Variants in ADGRG6 observed in about 807,000 individuals in gnomAD.
ADGRG6 encodes the protein adhesion G protein-coupled receptor G6.
ADGRG6 carries 84 observed loss-of-function variants against 142.4 expected under a neutral mutation model. That is an observed-to-expected ratio of 0.59 (90% CI 0.49 to 0.71). The LOEUF (loss-of-function observed/expected upper bound fraction) is 0.71, where lower values mean the gene tolerates loss of function less well. Ranked by LOEUF, ADGRG6 falls within the 30% of genes least tolerant of loss-of-function variation. The pLI, the probability that ADGRG6 is intolerant of heterozygous loss-of-function variation, is 0.00. For missense variants in ADGRG6, 1,367 were observed against 1,466.6 expected, an observed-to-expected ratio of 0.93 and a Z score of 1.11; for synonymous variants, 521 against 520.5, an observed-to-expected ratio of 1.00 and a Z score of -0.01.
At chr6:142,440,511 G>A (rs910918121) in intron 24 of ADGRG6, among the ~76,000 whole-genome samples, 1 of 152,104 alleles carries the variant, frequency 6.6e-6, no homozygotes, top group African/African-American at 2.4e-5. Context: ...ACCCAGGCTA[G>A]TCTCAAACTC....
intron 2 of ADGRG6, among the ~76,000 whole-genome samples, chr6:142,317,784 A>C (rs1291980049): frequency 1.1e-5 from 1 of 95,196 alleles, no homozygotes; most frequent in Non-Finnish European, 1.9e-5. Context: ...ATATATATTT[A>C]TATATAATAT....
chr6:142,345,271 T>G (rs544222197), intron 2 of ADGRG6, among the ~76,000 whole-genome samples: 30 of 152,208 alleles, frequency 2.0e-4, no homozygotes, highest in Non-Finnish European at 3.5e-4. Context: ...AATTAGGAAA[T>G]AGCCTAGGGG....
intron 2 of ADGRG6, among the ~76,000 whole-genome samples, chr6:142,338,002 ATGCCTTGTATCTT>A (rs1322567589): frequency 1.3e-4 from 10 of 79,324 alleles, no homozygotes; most frequent in Admixed American, 2.4e-4. Flanking sequence ...AATCCTTTTT[ATGCCTTGTATCTT>A]TGTTTTTTTT....
In ADGRG6 at chr6:142,399,239, TCA is replaced by T. The variant is rs1368429083; in HGVS notation, c.1568-1243_1568-1242del. ...AGGGCGATTGCGACCAAGGCCATAA[TCA>T]CAGTCTAGTAAAGAGGCAGGCATCT... is the stretch of plus-strand genomic sequence containing the variant. On this transcript the variant is annotated intron_variant, in intron 10 of 24. Transcript: ENST00000367609. Among the ~76,000 whole-genome samples the T allele has an allele frequency of 9.9e-5, 15 of 152,132 alleles. 1 individual carries two copies. The East Asian group carries it at 2.9e-3, about 29-fold the overall frequency.
intron 2 of ADGRG6, among the ~76,000 whole-genome samples, chr6:142,351,703 G>A (rs531250226): frequency 2.0e-5 from 3 of 152,178 alleles, no homozygotes; most frequent in East Asian, 3.9e-4. Context: ...TTCACAAATG[G>A]GACCTGATTA....
chr6:142,328,959 T>C (rs1343753924), intron 2 of ADGRG6, among the ~76,000 whole-genome samples: 1 of 152,166 alleles, frequency 6.6e-6, no homozygotes, highest in Non-Finnish European at 1.5e-5. Context: ...CATCCCCACA[T>C]TGGCTCCCTG....
chr6:142,356,578 A>G (rs569800603), intron 2 of ADGRG6, among the ~76,000 whole-genome samples: 4 of 152,304 alleles, frequency 2.6e-5, no homozygotes, highest in African/African-American at 9.6e-5. Flanking sequence ...GAAGCATCAT[A>G]TGTCTTCATA....
chr6:142,340,032 C>T (rs1779537635), intron 2 of ADGRG6, among the ~76,000 whole-genome samples: 1 of 152,082 alleles, frequency 6.6e-6, no homozygotes, highest in Admixed American at 6.6e-5. Flanking sequence ...TAAGCTACCC[C>T]ATTTAATAAA....
chr6:142,438,327 C>T lies in ADGRG6; in HGVS notation c.3537C>T (p.Ser1179=). Reference sequence around the variant, plus strand: ...CCTATCTTACATCCAAATCTAAATCCAGCTCTACCACCTATTTCAAAAGGA... The same window carrying T: ...CCTATCTTACATCCAAATCTAAATCTAGCTCTACCACCTATTTCAAAAGGA... ...NSTYLTSKSK[S]SSTTYFKRNS... The change falls in exon 24 of 25, where the codon TCC becomes TCT. Residue 1179 remains serine (S), a synonymous_variant. Coordinates refer to ENST00000367609, the MANE Select transcript of ADGRG6 (RefSeq NM_198569.3). 6.2e-7 allele frequency: 1 copy of T among 1,609,830 alleles called. No homozygotes were observed. The highest frequency in any genetic ancestry group is 1.3e-5 in the African/African-American group (1 of 74,848).
chr6:142,439,533 A>T (rs908282760), intron 24 of ADGRG6, among the ~76,000 whole-genome samples: 1 of 152,208 alleles, frequency 6.6e-6, no homozygotes, highest in East Asian at 1.9e-4. Context: ...ACCGTTTTCT[A>T]TGTCTTGCCA....
At chr6:142,309,932 A>G (rs987328566) in intron 2 of ADGRG6, among the ~76,000 whole-genome samples, 1 of 151,872 alleles carries the variant, frequency 6.6e-6, no homozygotes, top group South Asian at 2.1e-4. Flanking sequence ...TGAGATAACT[A>G]CATAAATCGC....
chr6:142,403,593 T>C (rs1398636658), intron 13 of ADGRG6, among the ~76,000 whole-genome samples: 1 of 152,192 alleles, frequency 6.6e-6, no homozygotes, highest in African/African-American at 2.4e-5. Context: ...AAAGCAGATA[T>C]TTCTCTTGAG....
chr6:142,410,320 G>T (rs537307613), intron 17 of ADGRG6, among the ~76,000 whole-genome samples: 2 of 152,196 alleles, frequency 1.3e-5, no homozygotes, highest in East Asian at 3.9e-4. Context: ...CCAGCTTCCA[G>T]ACCTCCAGTT....
At chr6:142,413,099 G>A (rs1776174067) in intron 18 of ADGRG6, among the ~76,000 whole-genome samples, 1 of 151,112 alleles carries the variant, frequency 6.6e-6, no homozygotes, top group South Asian at 2.1e-4. Flanking sequence ...GTCTGTTTTT[G>A]TAATATTAAA....
In ADGRG6 at chr6:142,419,991, G is replaced by T; in HGVS notation, c.3206G>T (p.Ser1069Ile). 6.2e-7 allele frequency: 1 copy of T among 1,613,604 alleles called. No homozygotes were observed. Among genetic ancestry groups the T allele is most frequent in the Non-Finnish European group, 8.5e-7 (1 of 1,179,608 alleles). ...GAAGAAGTGTTAAGGAACCTGCGCA[G>T]TGTGGTTAGCTTGACCTTTCTGTTG... ...LREEVLRNLR[S>I]VVSLTFLLGM... The change falls in exon 22 of 25, where the codon AGT becomes ATT. Residue 1069 changes from serine to isoleucine, a missense_variant. Coordinates refer to ENST00000367609, the MANE Select transcript of ADGRG6 (RefSeq NM_198569.3).
chr6:142,303,700 T>G (rs1777341578), intron 1 of ADGRG6, among the ~76,000 whole-genome samples: 1 of 152,206 alleles, frequency 6.6e-6, no homozygotes, highest in South Asian at 2.1e-4. Context: ...GAAAATATAC[T>G]AGGGATTTTA....
chr6:142,425,974 A>G (rs1380988867), intron 22 of ADGRG6, among the ~76,000 whole-genome samples: 3 of 152,114 alleles, frequency 2.0e-5, no homozygotes, highest in African/African-American at 7.2e-5. Flanking sequence ...CCCATAATTC[A>G]ATCACCTTCC....
intron 6 of ADGRG6, among the ~76,000 whole-genome samples, chr6:142,387,536 G>A (rs759690742): frequency 1.2e-4 from 18 of 152,194 alleles, no homozygotes; most frequent in South Asian, 2.1e-4. Flanking sequence ...TGCCACTGTC[G>A]TAATAGAATT....
intron 2 of ADGRG6, among the ~76,000 whole-genome samples, chr6:142,329,448 T>G (rs567388471): frequency 6.6e-6 from 1 of 152,166 alleles, no homozygotes; most frequent in Non-Finnish European, 1.5e-5. Flanking sequence ...TCTCTAATAT[T>G]TTCACTTTTG....
Sources: allele counts gnomAD v4.1 joint callset (sites outside exome capture counted in the v4.1 genomes callset), GRCh38; gene constraint gnomAD v4.1.1; transcripts MANE v1.5; gene names NCBI Gene and HGNC (gene_info 2026-07-23, HGNC 2026-07-21).